The following PCDHGA11 variants were observed in gnomAD, a reference collection of about 807,000 sequenced individuals.
PCDHGA11 encodes the protein protocadherin gamma-A11.
PCDHGA11 carries 39 observed loss-of-function variants against 60.4 expected under a neutral mutation model. That is an observed-to-expected ratio of 0.65 (90% CI 0.50 to 0.84). PCDHGA11 has a LOEUF of 0.84. Among genes scored for constraint, PCDHGA11 ranks in the 40% least tolerant of loss-of-function variants. The pLI is 0.00. For synonymous variants in PCDHGA11, 533 were observed against 510.3 expected (o/e 1.04, Z -0.60); for missense variants, 1,165 against 1,197.7 (o/e 0.97, Z 0.40).
At chr5:141,475,090 A>G (rs991061660) in intron 1 of PCDHGA11, among the ~76,000 whole-genome samples, 1 of 152,264 alleles carries the variant, frequency 6.6e-6, no homozygotes, top group African/African-American at 2.4e-5. Flanking sequence ...CAATAATTTT[A>G]TAAAGATCCT....
In PCDHGA11 at chr5:141,511,217, C is replaced by A. The variant is rs766814445; in HGVS notation, c.*44C>A. On this transcript the variant is annotated 3_prime_UTR_variant, in exon 4 of 4. Transcript: ENST00000398587. ...AGCCACAGGGCGGCCTCTCCCCAAC[C>A]AGCCCAGCTTCTCCTTACCTGCACC... The A allele has an allele frequency of 2.5e-6, 4 of 1,607,588 alleles. No homozygotes were observed. Among genetic ancestry groups the A allele is most frequent in the Non-Finnish European group, 3.4e-6 (4 of 1,177,026 alleles).
Position 141,486,970 on chromosome 5 carries a change from T to G in PCDHGA11, c.2434-7837T>G, listed in dbSNP as rs754309905. 1 of 1,614,050 alleles carries G rather than the reference T, an allele frequency of 6.2e-7. No individual in the cohort carries two copies. Among genetic ancestry groups the G allele is most frequent in the African/African-American group, 1.3e-5 (1 of 74,904 alleles). ...CAAAGGTGACTGCTGTGGACTTGGATTCAGGTTACAATGCTTGGGTTTCCT... is the reference window on the plus strand; with the variant it reads ...CAAAGGTGACTGCTGTGGACTTGGAGTCAGGTTACAATGCTTGGGTTTCCT... On this transcript the variant is annotated intron_variant, in intron 1 of 3. Coordinates refer to ENST00000398587, the MANE Select transcript of PCDHGA11 (RefSeq NM_018914.3). This position sits in a 1 kb window ranked among gnomAD's most constrained non-coding sequence, Gnocchi z 5.0.
At chr5:141,498,967 GGGAGGGAAGGAAGGAAGGAA>G (rs1464205074) in intron 2 of PCDHGA11, among the ~76,000 whole-genome samples, 5 of 129,584 alleles carry the variant, frequency 3.9e-5, no homozygotes, top group African/African-American at 1.6e-4. Flanking sequence ...GAGGGAGGGA[GGGAGGGAAGGAAGGAAGGAA>G]GGAAGGAAGG....
intron 1 of PCDHGA11, among the ~76,000 whole-genome samples, chr5:141,452,868 C>T (rs1339532803): frequency 6.6e-6 from 1 of 152,170 alleles, no homozygotes; most frequent in Non-Finnish European, 1.5e-5. Flanking sequence ...TTTTCTAACT[C>T]CATTTGTAAT....
At chr5:141,503,133 C>A (rs1164077875) in intron 2 of PCDHGA11, among the ~76,000 whole-genome samples, 1 of 152,002 alleles carries the variant, frequency 6.6e-6, no homozygotes, top group Non-Finnish European at 1.5e-5. Context: ...CTGGTAGCCC[C>A]TGACACAGCC....
Position 141,477,876 on chromosome 5 carries a change from G to A in PCDHGA11, c.2434-16931G>A, listed in dbSNP as rs1412801533. The A allele has an allele frequency of 4.3e-6, 7 of 1,614,144 alleles. No individual in the cohort carries two copies. Among genetic ancestry groups the A allele is most frequent in the Non-Finnish European group, 5.9e-6 (7 of 1,180,030 alleles). ...ATGCTGCCTCGAGGTACCTCAGCTG[G>A]CCACCTAGTGTCACGGGTGGTAGGC... On this transcript the variant is annotated intron_variant, in intron 1 of 3. Coordinates refer to ENST00000398587, the MANE Select transcript of PCDHGA11 (RefSeq NM_018914.3). The surrounding 1 kb of genome is among the most constrained non-coding windows in gnomAD (Gnocchi z 4.9).
rs761351024 is a variant in PCDHGA11 at position 141,422,190 on chromosome 5, A to G, written c.963A>G (p.Gln321=). ...ATAGATTCTATGAGATGGAAATTCA[A>G]GGCCAAGATGGTGGAGGTCTCTTTA... is the stretch of plus-strand genomic sequence containing the variant. ...EKYRFYEMEI[Q]GQDGGGLFTT... The change falls in exon 1 of 4, where the codon CAA becomes CAG. Residue 321 remains glutamine (Q), a synonymous_variant. Coordinates refer to ENST00000398587, the MANE Select transcript of PCDHGA11 (RefSeq NM_018914.3). The G allele has an allele frequency of 6.4e-7, 1 of 1,561,412 alleles. No individual in the cohort carries two copies.
In PCDHGA11 at chr5:141,490,084, G is replaced by A. The variant is rs772917260; in HGVS notation, c.2434-4723G>A. The A allele has an allele frequency of 4.3e-6, 7 of 1,614,104 alleles. No individual in the cohort carries two copies. ...CAACGGCCAACTAGACTATTCTTTT[G>A]GAGACCACACATCTGAGGCAGTGCG... On this transcript the variant is annotated intron_variant, in intron 1 of 3. Transcript: ENST00000398587. The surrounding 1 kb of genome is among the most constrained non-coding windows in gnomAD (Gnocchi z 5.4).
Position 141,477,209 on chromosome 5 carries a change from G to A in PCDHGA11, c.2434-17598G>A. ...CGTGTACAGCCCAGTACCCGAGGAT[G>A]CCCCTCTGGGGACTGTCATCGCTTT... is the stretch of plus-strand genomic sequence containing the variant. On this transcript the variant is annotated intron_variant, in intron 1 of 3. Coordinates refer to ENST00000398587, the MANE Select transcript of PCDHGA11 (RefSeq NM_018914.3). This position sits in a 1 kb window ranked among gnomAD's most constrained non-coding sequence, Gnocchi z 4.9. The A allele has an allele frequency of 6.2e-7, 1 of 1,614,194 alleles. No homozygotes were observed.
At chr5:141,497,665 G>A (rs1011161465) in intron 2 of PCDHGA11, among the ~76,000 whole-genome samples, 3 of 151,348 alleles carry the variant, frequency 2.0e-5, no homozygotes, top group South Asian at 2.1e-4. Flanking sequence ...TCAGCCTCCC[G>A]AGTAGCTGGG....
At chr5:141,455,270 A>T (rs2098818132) in intron 1 of PCDHGA11, among the ~76,000 whole-genome samples, 1 of 151,958 alleles carries the variant, frequency 6.6e-6, no homozygotes, top group South Asian at 2.1e-4. Context: ...CTTCCCATTG[A>T]TTATTAACAT....
chr5:141,431,354 G>C lies in PCDHGA11; in HGVS notation c.2433+7694G>C. 6.2e-7 allele frequency: 1 copy of C among 1,614,036 alleles called. No individual in the cohort carries two copies. Among genetic ancestry groups the C allele is most frequent in the Non-Finnish European group, 8.5e-7 (1 of 1,180,038 alleles). ...GTACCCCGAATTGGTGCTGAAACGC[G>C]CCCTGGACCGCGAAGAAAAGGCTGC... On this transcript the variant is annotated intron_variant, in intron 1 of 3. Transcript: ENST00000398587. This position sits in a 1 kb window ranked among gnomAD's most constrained non-coding sequence, Gnocchi z 4.8.
At chr5:141,442,682 T>C (rs1591733469) in intron 1 of PCDHGA11, among the ~76,000 whole-genome samples, 1 of 152,218 alleles carries the variant, frequency 6.6e-6, no homozygotes, top group East Asian at 1.9e-4. Context: ...TGAGGGACAG[T>C]AGTCAGGCAG....
At position 141,431,108 on chromosome 5, in the gene PCDHGA11, T is replaced by C; in HGVS notation, c.2433+7448T>C. 1 of 1,614,180 alleles carries C rather than the reference T, an allele frequency of 6.2e-7. No homozygotes were observed. The highest frequency in any genetic ancestry group is 8.5e-7 in the Non-Finnish European group (1 of 1,180,032). On this transcript the variant is annotated intron_variant, in intron 1 of 3. Coordinates refer to ENST00000398587, the MANE Select transcript of PCDHGA11 (RefSeq NM_018914.3). This position sits in a 1 kb window ranked among gnomAD's most constrained non-coding sequence, Gnocchi z 4.8. ...TCTGATGGAGGATAAAGTGAAAATATATGGAGTAGAAGTAGAAGTAAGGGA... is the reference window on the plus strand; with the variant it reads ...TCTGATGGAGGATAAAGTGAAAATACATGGAGTAGAAGTAGAAGTAAGGGA...
chr5:141,478,623 G>A, intron 1 of PCDHGA11: 2 of 1,554,358 alleles, frequency 1.3e-6, no homozygotes, highest in Non-Finnish European at 1.7e-6. Flanking sequence ...GAATGGAGCT[G>A]TTTTTTTAGT....
Position 141,432,010 on chromosome 5 carries a change from CT to C in PCDHGA11, c.2433+8351del. The C allele has an allele frequency of 6.2e-7, 1 of 1,614,068 alleles. No individual in the cohort carries two copies. Among genetic ancestry groups the C allele is most frequent in the Non-Finnish European group, 8.5e-7 (1 of 1,180,022 alleles). ...TCTTGGATAGGGAACAGGTTCCTAG[CT>C]ACAACATCACAGTGACCGCCACTGA... On this transcript the variant is annotated intron_variant, in intron 1 of 3. Coordinates refer to ENST00000398587, the MANE Select transcript of PCDHGA11 (RefSeq NM_018914.3). This position sits in a 1 kb window ranked among gnomAD's most constrained non-coding sequence, Gnocchi z 6.0.
At chr5:141,458,094 A>G (rs1036190372) in intron 1 of PCDHGA11, among the ~76,000 whole-genome samples, 3 of 152,260 alleles carry the variant, frequency 2.0e-5, no homozygotes, top group African/African-American at 7.2e-5. Context: ...AGTTAAGAGT[A>G]CTTACAGATA....
rs2097372368 is a variant in PCDHGA11 at position 141,431,422 on chromosome 5, G to A, written c.2433+7762G>A. On this transcript the variant is annotated intron_variant, in intron 1 of 3. Coordinates refer to ENST00000398587, the MANE Select transcript of PCDHGA11 (RefSeq NM_018914.3). This position sits in a 1 kb window ranked among gnomAD's most constrained non-coding sequence, Gnocchi z 4.8. ...CGGCCTCCGACGGGGGCGACCCGGTGCGCACAGGCACCGCGCGCATCCGCG... is the reference window on the plus strand; with the variant it reads ...CGGCCTCCGACGGGGGCGACCCGGTACGCACAGGCACCGCGCGCATCCGCG... 6.2e-7 allele frequency: 1 copy of A among 1,613,710 alleles called. No individual in the cohort carries two copies. The highest frequency in any genetic ancestry group is 2.2e-5 in the East Asian group (1 of 44,882).
At chr5:141,474,156 A>T (rs1387216017) in intron 1 of PCDHGA11, among the ~76,000 whole-genome samples, 1 of 152,244 alleles carries the variant, frequency 6.6e-6, no homozygotes, top group Non-Finnish European at 1.5e-5. Context: ...CAAGAAAATG[A>T]CAGGCCTTAT....
Sources: gnomAD v4.1 joint callset for allele counts (sites outside exome capture counted in the v4.1 genomes callset) on GRCh38, gnomAD v4.1.1 for gene constraint, Gnocchi (gnomAD v3.1) non-coding constraint, MANE v1.5 for transcripts, NCBI Gene and HGNC (gene_info 2026-07-23, HGNC 2026-07-21) for gene names.